The following MTA3 variants were observed in gnomAD, a reference collection of about 807,000 sequenced individuals.
MTA3 encodes metastasis associated 1 family member 3.
MTA3 carries 34 observed loss-of-function variants against 83.5 expected under a neutral mutation model. That is an observed-to-expected ratio of 0.41 (90% CI 0.31 to 0.54). The LOEUF (loss-of-function observed/expected upper bound fraction) is 0.54. Ranked by LOEUF, MTA3 falls within the 20% of genes least tolerant of loss-of-function variation. The pLI, the probability that MTA3 is intolerant of heterozygous loss-of-function variation, is 0.33. For missense variants in MTA3, 761 were observed against 726.4 expected (o/e 1.05, Z -0.55); for synonymous variants, 303 against 252.7 (o/e 1.20, Z -1.89).
rs1203642961 is a variant in MTA3 at position 42,621,457 on chromosome 2, T to C, written c.317+11873T>C. ...GAGCACCGGGTTGGGAGTAAGGTCA[T>C]AGATCAACAGCATCCCAAGGCAGAA... On this transcript the variant is annotated intron_variant, in intron 4 of 16. Transcript: ENST00000405094. Among the ~76,000 whole-genome samples the C allele has an allele frequency of 2.6e-5, 4 of 152,244 alleles. 1 individual carries two copies. Among genetic ancestry groups the C allele is most frequent in the Admixed American group, 2.6e-4 (4 of 15,290 alleles).
intron 2 of MTA3, among the ~76,000 whole-genome samples, chr2:42,544,856 C>T (rs886830693): frequency 2.0e-5 from 3 of 152,112 alleles, no homozygotes; most frequent in Non-Finnish European, 4.4e-5. Context: ...CAAGTACAGC[C>T]TGATTAATGC....
chr2:42,622,785 C>G (rs1157497977), intron 4 of MTA3, among the ~76,000 whole-genome samples: 1 of 151,986 alleles, frequency 6.6e-6, no homozygotes, highest in Non-Finnish European at 1.5e-5. Flanking sequence ...AGCTACCACA[C>G]CTGGCCTCCA....
intron 4 of MTA3, among the ~76,000 whole-genome samples, chr2:42,624,835 A>G (rs1685920112): frequency 6.6e-6 from 1 of 152,108 alleles, no homozygotes; most frequent in African/African-American, 2.4e-5. Context: ...TGTTTACCCC[A>G]TTGTCATCAG....
intron 2 of MTA3, among the ~76,000 whole-genome samples, chr2:42,542,839 G>A (rs935681537): frequency 1.3e-5 from 2 of 152,002 alleles, no homozygotes; most frequent in African/African-American, 4.8e-5. Flanking sequence ...TTACAGGCGT[G>A]ACCCACTGCA....
Position 42,697,193 on chromosome 2 carries a change from C to G in MTA3, c.967-583C>G, listed in dbSNP as rs1172669245. Among the ~76,000 whole-genome samples the G allele has an allele frequency of 2.6e-5, 4 of 152,066 alleles. No homozygotes were observed. In the East Asian group the frequency reaches 7.8e-4, roughly 30 times the overall value. ...TTGATTATATAATCTCCTTCCCCTT[C>G]CTTTCCCTACATATGGCTCCTAATT... On this transcript the variant is annotated intron_variant, in intron 10 of 16. Coordinates refer to ENST00000405094, the MANE Select transcript of MTA3 (RefSeq NM_001330442.2).
rs1670212750 is a variant in MTA3 at position 42,755,984 on chromosome 2, T to C, written c.*2585T>C. ...TTCAGCCTGCCCTTCACAATTCCCC[T>C]TGTGCACAGCCCAGTTTCCATCTCT... On this transcript the variant is annotated 3_prime_UTR_variant, in exon 17 of 17. Coordinates refer to ENST00000405094, the MANE Select transcript of MTA3 (RefSeq NM_001330442.2). The C allele has an allele frequency of 1.0e-6, 1 of 985,360 alleles. No individual in the cohort carries two copies. The highest frequency in any genetic ancestry group is 1.7e-5 in the African/African-American group (1 of 57,236). 61.0% of individuals were successfully genotyped at this position (985,360 alleles called of 1,614,324 possible).
chr2:42,664,668 G>A (rs1690065114), intron 8 of MTA3, among the ~76,000 whole-genome samples: 1 of 151,654 alleles, frequency 6.6e-6, no homozygotes, highest in East Asian at 1.9e-4. Context: ...TATTCTGATC[G>A]CTTTAGCACC....
intron 2 of MTA3, among the ~76,000 whole-genome samples, chr2:42,536,074 C>T (rs1676214882): frequency 6.6e-6 from 1 of 151,500 alleles, no homozygotes; most frequent in Non-Finnish European, 1.5e-5. Context: ...AAGCTATGTT[C>T]ATGCCAGTGC....
Position 42,754,350 on chromosome 2 carries a change from G to T in MTA3, c.*951G>T, listed in dbSNP as rs1301934328. The T allele has an allele frequency of 1.0e-6, 1 of 985,420 alleles. No homozygotes were observed. The highest frequency in any genetic ancestry group is 1.2e-6 in the Non-Finnish European group (1 of 830,024). 61.0% of individuals were successfully genotyped at this position (985,420 alleles called of 1,614,324 possible). On this transcript the variant is annotated 3_prime_UTR_variant, in exon 17 of 17. Coordinates refer to ENST00000405094, the MANE Select transcript of MTA3 (RefSeq NM_001330442.2). ...GTGAGAGAACTGTGTTTGTGGGTAT[G>T]AGTCTGTGTGGCCAACCCCATGACC...
At chr2:42,706,825 T>C (rs1030412858) in intron 12 of MTA3, among the ~76,000 whole-genome samples, 1 of 152,226 alleles carries the variant, frequency 6.6e-6, no homozygotes, top group Non-Finnish European at 1.5e-5. Flanking sequence ...CTGCCCATGC[T>C]CACTTCATAT....
chr2:42,574,078 C>T (rs990596761), intron 2 of MTA3, among the ~76,000 whole-genome samples: 107 of 150,678 alleles, frequency 7.1e-4, no homozygotes, highest in African/African-American at 2.5e-3. Flanking sequence ...CCTTGTGATC[C>T]GCCTGCCTCG....
At chr2:42,534,853 G>C (rs1259247422) in intron 2 of MTA3, among the ~76,000 whole-genome samples, 1 of 151,986 alleles carries the variant, frequency 6.6e-6, no homozygotes, top group Non-Finnish European at 1.5e-5. Flanking sequence ...TGAATCCTGA[G>C]CTCAAGTGAT....
At chr2:42,716,667 T>G (rs1457434249) in intron 14 of MTA3, among the ~76,000 whole-genome samples, 1 of 152,230 alleles carries the variant, frequency 6.6e-6, no homozygotes, top group Non-Finnish European at 1.5e-5. Flanking sequence ...GATATCGTTC[T>G]TTTCTTCTGG....
chr2:42,595,865 T>G (rs1328525718), intron 3 of MTA3, among the ~76,000 whole-genome samples: 7 of 152,226 alleles, frequency 4.6e-5, no homozygotes, highest in African/African-American at 1.7e-4. Flanking sequence ...CTAAATGCTT[T>G]TACATGTAAG....
intron 2 of MTA3, among the ~76,000 whole-genome samples, chr2:42,512,995 A>G (rs1245767313): frequency 6.6e-6 from 1 of 152,186 alleles, no homozygotes; most frequent in African/African-American, 2.4e-5. Context: ...ATTCTCCCAG[A>G]CTGTGAAAAT....
intron 9 of MTA3, among the ~76,000 whole-genome samples, chr2:42,689,201 T>G (rs1190462564): frequency 6.6e-6 from 1 of 152,212 alleles, no homozygotes; most frequent in Non-Finnish European, 1.5e-5. Flanking sequence ...GTCATGAGGT[T>G]TGTTTTAATA....
chr2:42,691,555 A>G (rs535161803), intron 9 of MTA3, among the ~76,000 whole-genome samples: 1 of 152,278 alleles, frequency 6.6e-6, no homozygotes, highest in South Asian at 2.1e-4. Flanking sequence ...TTTACATACC[A>G]CAATTACAGT....
intron 9 of MTA3, among the ~76,000 whole-genome samples, chr2:42,688,892 C>A (rs1405583276): frequency 6.6e-6 from 1 of 152,014 alleles, no homozygotes; most frequent in African/African-American, 2.4e-5. Context: ...GAGCAACATC[C>A]TTTTCTTGTT....
At chr2:42,731,667 C>A (rs538621899) in intron 16 of MTA3, among the ~76,000 whole-genome samples, 1 of 152,272 alleles carries the variant, frequency 6.6e-6, no homozygotes, top group South Asian at 2.1e-4. Context: ...CACAGCCAAA[C>A]CATATCATTC....
Sources: allele counts gnomAD v4.1 joint callset (sites outside exome capture counted in the v4.1 genomes callset), GRCh38; gene constraint gnomAD v4.1.1; transcripts MANE v1.5; gene names NCBI Gene and HGNC (gene_info 2026-07-23, HGNC 2026-07-21).